SLC24A2: variants seen among roughly 807,000 people sequenced by gnomAD.
SLC24A2 encodes solute carrier family 24 member 2.
Under a neutral mutation model 62.0 loss-of-function variants are expected in SLC24A2, and 36 were observed. That is an observed-to-expected ratio of 0.58 (90% confidence interval 0.44 to 0.77). The LOEUF (loss-of-function observed/expected upper bound fraction) is 0.77, where lower values mean the gene tolerates loss of function less well. SLC24A2 is among the 30% of genes least tolerant of loss of function. The pLI is 0.00. For synonymous variants in SLC24A2, 358 were observed against 294.0 expected, an observed-to-expected ratio of 1.22 and a Z score of -2.23; for missense variants, 846 against 817.9, an observed-to-expected ratio of 1.03 and a Z score of -0.42.
chr9:20,298,587 C>T, the SLC24A2 span, among the ~76,000 whole-genome samples: 21,380 of 152,234 alleles, frequency 0.14, 1,831 homozygotes, highest in South Asian at 0.27. Context: ...AAACTAGATA[C>T]GTTCTTCCTA....
the SLC24A2 span, among the ~76,000 whole-genome samples, chr9:19,847,683 G>C: frequency 6.6e-6 from 1 of 152,226 alleles, no homozygotes; most frequent in East Asian, 1.9e-4. Flanking sequence ...TTTGCTACCC[G>C]CACTGGAGGT....
chr9:19,781,947 A>G (rs557730728), intron 2 of SLC24A2, among the ~76,000 whole-genome samples: 1 of 152,362 alleles, frequency 6.6e-6, no homozygotes, highest in East Asian at 1.9e-4. Context: ...TTTTCCAAAG[A>G]ACATTAATCA....
intron 4 of SLC24A2, among the ~76,000 whole-genome samples, chr9:19,600,813 G>A (rs370995386): frequency 6.6e-6 from 1 of 152,124 alleles, no homozygotes; most frequent in South Asian, 2.1e-4. Context: ...GTGCTTTTCT[G>A]CTGCTGTCCT....
the SLC24A2 span, among the ~76,000 whole-genome samples, chr9:19,966,000 T>C: frequency 1.3e-5 from 2 of 152,216 alleles, no homozygotes; most frequent in Non-Finnish European, 2.9e-5. Context: ...ATATTCCCTG[T>C]TCTCTTTAGG....
At chr9:20,009,792 C>A in the SLC24A2 span, among the ~76,000 whole-genome samples, 2 of 152,118 alleles carry the variant, frequency 1.3e-5, no homozygotes, top group Non-Finnish European at 1.5e-5. Flanking sequence ...ACTCCAGCTG[C>A]AGCATGATTA....
At chr9:19,611,411 CGAG>C (rs1837162992) in intron 4 of SLC24A2, among the ~76,000 whole-genome samples, 1 of 143,508 alleles carries the variant, frequency 7.0e-6, no homozygotes, top group Non-Finnish European at 1.5e-5. Context: ...GGAGGGGAAA[CGAG>C]GGCAGAGAAG....
chr9:20,151,955 G>T, the SLC24A2 span, among the ~76,000 whole-genome samples: 6 of 151,774 alleles, frequency 4.0e-5, no homozygotes, highest in Non-Finnish European at 8.8e-5. Context: ...CTCGGAGTCT[G>T]GGGCTTATAT....
chr9:20,279,078 A>G, the SLC24A2 span, among the ~76,000 whole-genome samples: 8 of 152,240 alleles, frequency 5.3e-5, no homozygotes, highest in East Asian at 1.5e-3. Context: ...ATCTCATGAT[A>G]CTTATTCACT....
chr9:20,227,628 T>G, the SLC24A2 span, among the ~76,000 whole-genome samples: 1 of 149,818 alleles, frequency 6.7e-6, no homozygotes, highest in Non-Finnish European at 1.5e-5. Flanking sequence ...ATAACAAAAA[T>G]AGTGTCTCTT....
intron 4 of SLC24A2, among the ~76,000 whole-genome samples, chr9:19,612,054 C>T (rs1357395843): frequency 1.3e-5 from 2 of 152,128 alleles, no homozygotes; most frequent in East Asian, 3.9e-4. Flanking sequence ...GTCTCAGTTT[C>T]TTCATCTATA....
At chr9:19,875,099 A>G in the SLC24A2 span, among the ~76,000 whole-genome samples, 1 of 151,042 alleles carries the variant, frequency 6.6e-6, no homozygotes, top group African/African-American at 2.4e-5. Flanking sequence ...TGGAAAGTTT[A>G]CTCTTGCCTA....
At chr9:19,543,467 C>A (rs1026357427) in intron 8 of SLC24A2, among the ~76,000 whole-genome samples, 44 of 149,384 alleles carry the variant, frequency 2.9e-4, no homozygotes, top group African/African-American at 1.0e-3. Flanking sequence ...TTCTTGTCTT[C>A]TGCTATCTTT....
chr9:20,183,978 A>G, the SLC24A2 span, among the ~76,000 whole-genome samples: 48 of 152,316 alleles, frequency 3.2e-4, 2 homozygotes, highest in South Asian at 7.3e-3. Context: ...TGAGAGAAAT[A>G]CAATTACAGA....
chr9:20,076,868 T>C, the SLC24A2 span, among the ~76,000 whole-genome samples: 4 of 58,906 alleles, frequency 6.8e-5, no homozygotes, highest in East Asian at 6.6e-4. Flanking sequence ...TATGTATATA[T>C]ATATATATAT....
chr9:20,170,609 G>C, the SLC24A2 span, among the ~76,000 whole-genome samples: 1 of 151,954 alleles, frequency 6.6e-6, no homozygotes, highest in African/African-American at 2.4e-5. Context: ...TGATGGGAAG[G>C]GGGTAGGCTG....
the SLC24A2 span, among the ~76,000 whole-genome samples, chr9:19,802,958 T>C: frequency 6.6e-6 from 1 of 152,166 alleles, no homozygotes; most frequent in Non-Finnish European, 1.5e-5. Context: ...CCTGGGGAGC[T>C]TCTTTGCCTC....
At chr9:20,156,828 T>G in the SLC24A2 span, among the ~76,000 whole-genome samples, 1 of 151,862 alleles carries the variant, frequency 6.6e-6, no homozygotes, top group African/African-American at 2.4e-5. Flanking sequence ...AGGTAATTAT[T>G]GCTGCAGTAC....
At chr9:20,242,715 C>A in the SLC24A2 span, among the ~76,000 whole-genome samples, 4 of 152,342 alleles carry the variant, frequency 2.6e-5, no homozygotes, top group Non-Finnish European at 4.4e-5. Flanking sequence ...TTAAAACATC[C>A]TAATGCTAAT....
At chr9:20,058,625 T>C in the SLC24A2 span, among the ~76,000 whole-genome samples, 1 of 151,976 alleles carries the variant, frequency 6.6e-6, no homozygotes, top group Non-Finnish European at 1.5e-5. Flanking sequence ...AACAAATATA[T>C]CAAATACAGG....
Sources: gnomAD v4.1 joint callset for allele counts (sites outside exome capture counted in the v4.1 genomes callset) on GRCh38, gnomAD v4.1.1 for gene constraint, MANE v1.5 for transcripts, NCBI Gene and HGNC (gene_info 2026-07-23, HGNC 2026-07-21) for gene names.